The following GRM7 variants were observed in gnomAD, a reference collection of about 807,000 sequenced individuals.
GRM7 encodes the protein metabotropic glutamate receptor 7.
Under a neutral mutation model 84.5 loss-of-function variants are expected in GRM7, and 35 were observed. The observed-to-expected ratio is 0.41, with a 90% CI of 0.32 to 0.55. The LOEUF (loss-of-function observed/expected upper bound fraction) is 0.55. Among genes scored for constraint, GRM7 ranks in the 20% least tolerant of loss-of-function variants. GRM7 has a pLI of 0.19. For missense variants in GRM7, 1,003 were observed against 1,194.6 expected (o/e 0.84, Z 2.36); for synonymous variants, 487 against 455.1 (o/e 1.07, Z -0.89).
At chr3:7,568,697 G>T (rs1694458081) in intron 7 of GRM7, among the ~76,000 whole-genome samples, 1 of 152,180 alleles carries the variant, frequency 6.6e-6, no homozygotes, top group Non-Finnish European at 1.5e-5. Context: ...AGAGCAGCGG[G>T]CCGGCCCTGC....
At chr3:7,325,848 A>G (rs2125059436) in intron 4 of GRM7, among the ~76,000 whole-genome samples, 1 of 152,194 alleles carries the variant, frequency 6.6e-6, no homozygotes, top group East Asian at 1.9e-4. Flanking sequence ...CTTCCTCCCA[A>G]ATTTGTTAGT....
At chr3:7,568,189 G>T (rs1694416757) in intron 7 of GRM7, among the ~76,000 whole-genome samples, 1 of 152,068 alleles carries the variant, frequency 6.6e-6, no homozygotes. Context: ...GAACTGGGGA[G>T]CCTGGCAGGC....
At chr3:7,367,936 C>T (rs56100932) in intron 4 of GRM7, among the ~76,000 whole-genome samples, 52,591 of 129,326 alleles carry the variant, frequency 0.41, 10,334 homozygotes, top group East Asian at 0.57. Flanking sequence ...AACATTAATC[C>T]TCAAAAAAAA....
chr3:6,903,819 A>T (rs1000881833), intron 1 of GRM7, among the ~76,000 whole-genome samples: 3 of 152,206 alleles, frequency 2.0e-5, no homozygotes, highest in Admixed American at 6.5e-5. Context: ...GAAATCTGGC[A>T]TATAGAAATT....
intron 4 of GRM7, among the ~76,000 whole-genome samples, chr3:7,357,698 C>CATTCCCTG (rs1318923711): frequency 6.6e-6 from 1 of 152,140 alleles, no homozygotes; most frequent in Admixed American, 6.6e-5. Context: ...CAGCTCATCA[C>CATTCCCTG]ATTCCCTGTC....
intron 1 of GRM7, among the ~76,000 whole-genome samples, chr3:7,087,915 A>T (rs1559431033): frequency 6.6e-6 from 1 of 152,192 alleles, no homozygotes; most frequent in Non-Finnish European, 1.5e-5. Flanking sequence ...GAAGAGAGAC[A>T]ACGTAGTTTA....
chr3:7,155,766 T>C (rs903919953), intron 2 of GRM7, among the ~76,000 whole-genome samples: 4 of 152,116 alleles, frequency 2.6e-5, no homozygotes, highest in African/African-American at 9.7e-5. Context: ...AGTAGCACTC[T>C]CAGTCAAGCT....
intron 8 of GRM7, among the ~76,000 whole-genome samples, chr3:7,608,330 C>T (rs1000462917): frequency 1.1e-4 from 17 of 152,144 alleles, no homozygotes; most frequent in African/African-American, 3.9e-4. Flanking sequence ...AGCTAATTTA[C>T]ACTCCCACCA....
intron 2 of GRM7, among the ~76,000 whole-genome samples, chr3:7,148,837 C>T (rs1241444319): frequency 6.6e-6 from 1 of 152,080 alleles, no homozygotes; most frequent in Admixed American, 6.6e-5. Flanking sequence ...GAGCCTTTCC[C>T]CTTGAGGACG....
chr3:7,365,629 ATGTGTGTGTGCGTG>A (rs1299481679), intron 4 of GRM7, among the ~76,000 whole-genome samples: 1 of 133,990 alleles, frequency 7.5e-6, no homozygotes, highest in African/African-American at 2.9e-5. Context: ...TTTAATATGC[ATGTGTGTGTGCGTG>A]TGTGTATATA....
At chr3:7,079,974 G>A (rs1698225199) in intron 1 of GRM7, among the ~76,000 whole-genome samples, 1 of 152,132 alleles carries the variant, frequency 6.6e-6, no homozygotes, top group East Asian at 1.9e-4. Context: ...TGGCATTGAT[G>A]TGAAACAAAG....
intron 2 of GRM7, among the ~76,000 whole-genome samples, chr3:7,150,254 C>T (rs7650223): frequency 2.0e-5 from 3 of 152,166 alleles, no homozygotes; most frequent in African/African-American, 4.8e-5. Flanking sequence ...TTTTAAAATG[C>T]TTTAGCTTCA....
chr3:7,491,692 A>G (rs781519832), intron 7 of GRM7, among the ~76,000 whole-genome samples: 14 of 152,204 alleles, frequency 9.2e-5, no homozygotes, highest in Non-Finnish European at 1.6e-4. Context: ...CAGCTCCTCT[A>G]CACAACAGCT....
intron 1 of GRM7, chr3:6,893,843 C>T (rs2124989707): frequency 6.6e-6 from 1 of 152,218 alleles, no homozygotes; most frequent in South Asian, 2.1e-4. Flanking sequence ...TCCCCACATC[C>T]TGAAAATAAA....
At chr3:6,980,121 T>A (rs1694141787) in intron 1 of GRM7, among the ~76,000 whole-genome samples, 1 of 152,154 alleles carries the variant, frequency 6.6e-6, no homozygotes, top group Non-Finnish European at 1.5e-5. Context: ...TATATTTCCT[T>A]CCTTTCTGCC....
At chr3:6,987,199 A>G (rs182917861) in intron 1 of GRM7, among the ~76,000 whole-genome samples, 24 of 152,170 alleles carry the variant, frequency 1.6e-4, no homozygotes, top group Admixed American at 1.4e-3. Context: ...TGCACTTACT[A>G]TGGCACAAGA....
intron 1 of GRM7, among the ~76,000 whole-genome samples, chr3:7,118,511 A>G (rs1408794788): frequency 2.0e-5 from 3 of 150,636 alleles, no homozygotes; most frequent in East Asian, 1.9e-4. Flanking sequence ...TTCCTCTAAA[A>G]AAAAGTTACA....
chr3:7,579,314 C>A lies in GRM7; in HGVS notation c.2408C>A (p.Ala803Asp), dbSNP rs375242321. The A allele has an allele frequency of 6.4e-7, 1 of 1,573,352 alleles. No individual in the cohort carries two copies. Among genetic ancestry groups the A allele is most frequent in the African/African-American group, 1.4e-5 (1 of 73,666 alleles). Residue 803 changes from alanine to aspartate, a missense_variant, in exon 8 of 10, where the codon GCC (alanine) becomes GAC (aspartate). Ala to Asp is a moderately radical substitution (Grantham distance 126). This residue lies in a region of GRM7 where 910 missense variants were observed against 1,126.0 expected (regional missense o/e 0.81). Transcript: ENST00000357716. The part of the protein sequence containing the change: ...TMYTTCIVWL[A>D]FIPIFFGTAQ... ...TACACGACATGTATAGTATGGCTTG[C>A]CTTCATTCCAATTTTTTTTGGCACC...
chr3:7,174,327 A>G (rs1471556283), intron 2 of GRM7, among the ~76,000 whole-genome samples: 1 of 152,234 alleles, frequency 6.6e-6, no homozygotes, highest in East Asian at 1.9e-4. Context: ...GTAAAGAAAA[A>G]GAAACCACTA....
Sources: allele counts gnomAD v4.1 joint callset (sites outside exome capture counted in the v4.1 genomes callset), GRCh38; gene constraint gnomAD v4.1.1; regional missense constraint gnomAD v4.1.1; transcripts MANE v1.5; gene names NCBI Gene and HGNC (gene_info 2026-07-23, HGNC 2026-07-21).